The following VEGFC variants were observed in gnomAD, a reference collection of about 807,000 sequenced individuals.
VEGFC encodes the protein vascular endothelial growth factor C.
In VEGFC, 12 loss-of-function variants were observed where a neutral mutation model predicts 46.1. That is an observed-to-expected ratio of 0.26 (90% CI 0.17 to 0.42). VEGFC has a LOEUF of 0.42. VEGFC is among the 10% of genes least tolerant of loss of function. The pLI, the probability that VEGFC is intolerant of heterozygous loss-of-function variation, is 1.00. For synonymous variants in VEGFC, 232 were observed against 195.5 expected, an observed-to-expected ratio of 1.19 and a Z score of -1.56; for missense variants, 488 against 529.4, an observed-to-expected ratio of 0.92 and a Z score of 0.77.
intron 1 of VEGFC, among the ~76,000 whole-genome samples, chr4:176,757,412 C>T (rs1560957102): frequency 6.6e-6 from 1 of 152,066 alleles, no homozygotes; most frequent in Non-Finnish European, 1.5e-5. Context: ...CTCTTCTAAT[C>T]TAAGTCATGC....
Position 176,727,908 on chromosome 4 carries a change from C to G in VEGFC, c.422G>C (p.Gly141Ala). The change falls in exon 3 of 7, where the codon GGG becomes GCG. Residue 141 changes from glycine (G) to alanine (A), a missense_variant. Gly to Ala is a moderately conservative substitution (Grantham distance 60). Transcript: ENST00000618562. Reference protein sequence around the residue: ...CMPREVCIDVGKEFGVATNTF... With the variant: ...CMPREVCIDVAKEFGVATNTF... Reference sequence around the variant, plus strand: ...GTTTGTCGCGACTCCAAACTCCTTCCCCACATCTATACACACCTCCCGTGG... The same window carrying G: ...GTTTGTCGCGACTCCAAACTCCTTCGCCACATCTATACACACCTCCCGTGG... 1 of 1,613,736 alleles carries G rather than the reference C, an allele frequency of 6.2e-7. No homozygotes were observed. The highest frequency in any genetic ancestry group is 8.5e-7 in the Non-Finnish European group (1 of 1,179,836).
intron 1 of VEGFC, among the ~76,000 whole-genome samples, chr4:176,754,084 TAG>T (rs1293328349): frequency 6.6e-6 from 1 of 152,020 alleles, no homozygotes; most frequent in Non-Finnish European, 1.5e-5. Context: ...TGAGGTTAAA[TAG>T]AGAGTAATTA....
intron 4 of VEGFC, among the ~76,000 whole-genome samples, chr4:176,705,387 G>T (rs188348068): frequency 6.6e-6 from 1 of 152,168 alleles, no homozygotes. Context: ...TATGAAAATT[G>T]GTATCTAACT....
chr4:176,685,353 C>T (rs752223266), intron 6 of VEGFC, among the ~76,000 whole-genome samples: 2 of 152,138 alleles, frequency 1.3e-5, no homozygotes, highest in African/African-American at 4.8e-5. Flanking sequence ...GCCTACTGCA[C>T]TTTGTAATAG....
intron 1 of VEGFC, among the ~76,000 whole-genome samples, chr4:176,784,959 T>C (rs373132682): frequency 1.2e-4 from 18 of 152,212 alleles, no homozygotes; most frequent in African/African-American, 4.3e-4. Flanking sequence ...GTCCATACCC[T>C]GTGCTCTTAT....
chr4:176,729,492 G>C, intron 2 of VEGFC, 41 bp downstream of exon 2: 2 of 1,550,692 alleles, frequency 1.3e-6, no homozygotes, highest in Non-Finnish European at 1.7e-6. Flanking sequence ...CTACTGGTTT[G>C]ATATATAAGG....
chr4:176,751,242 A>G (rs1285493159), intron 1 of VEGFC, among the ~76,000 whole-genome samples: 1 of 151,966 alleles, frequency 6.6e-6, no homozygotes, highest in Non-Finnish European at 1.5e-5. Context: ...GAGACTAAAG[A>G]GTAAACAAAC....
rs532063911 is a variant in VEGFC, at chr4:176,717,695, A to G, written c.553-6045T>C. Reference sequence around the variant, plus strand: ...CCAGTTTCTCTTCAGAACAAATCTCACTACCATATTTAATTTAAATTTAAA... The same window carrying G: ...CCAGTTTCTCTTCAGAACAAATCTCGCTACCATATTTAATTTAAATTTAAA... On this transcript the variant is annotated intron_variant, in intron 3 of 6. Transcript: ENST00000618562. Among the ~76,000 whole-genome samples the G allele has an allele frequency of 4.0e-4, 61 of 152,232 alleles. 1 individual carries two copies. Among genetic ancestry groups the G allele is most frequent in the African/African-American group, 1.4e-3 (59 of 41,566 alleles).
chr4:176,726,118 G>C (rs1339026426), intron 3 of VEGFC, among the ~76,000 whole-genome samples: 2 of 152,000 alleles, frequency 1.3e-5, no homozygotes, highest in African/African-American at 2.4e-5. Context: ...AATGAACTAA[G>C]GATAACTTTT....
intron 3 of VEGFC, among the ~76,000 whole-genome samples, chr4:176,715,874 C>A (rs540128117): frequency 6.6e-6 from 1 of 152,072 alleles, no homozygotes; most frequent in Non-Finnish European, 1.5e-5. Flanking sequence ...CCCTACTCCA[C>A]GAAGTATGTA....
intron 4 of VEGFC, among the ~76,000 whole-genome samples, chr4:176,701,949 T>C (rs529625728): frequency 2.0e-5 from 3 of 152,294 alleles, no homozygotes; most frequent in East Asian, 1.9e-4. Flanking sequence ...TTTTGCTTCA[T>C]TGTCTTTTGG....
intron 3 of VEGFC, among the ~76,000 whole-genome samples, chr4:176,723,030 A>G (rs992431612): frequency 6.6e-6 from 1 of 152,222 alleles, no homozygotes; most frequent in East Asian, 1.9e-4. Context: ...CTTACTAACA[A>G]TGTACTGATT....
chr4:176,698,490 A>G (rs1193380582), intron 4 of VEGFC, among the ~76,000 whole-genome samples: 1 of 152,150 alleles, frequency 6.6e-6, no homozygotes, highest in Non-Finnish European at 1.5e-5. Context: ...GTACATATAT[A>G]AGGTATACAA....
intron 1 of VEGFC, among the ~76,000 whole-genome samples, chr4:176,791,274 T>C (rs1271175886): frequency 6.6e-6 from 1 of 152,172 alleles, no homozygotes; most frequent in Non-Finnish European, 1.5e-5. Flanking sequence ...ATAACTTCTT[T>C]AGGAACTCTC....
intron 4 of VEGFC, among the ~76,000 whole-genome samples, chr4:176,692,622 A>G (rs1177206529): frequency 7.0e-6 from 1 of 142,516 alleles, no homozygotes; most frequent in East Asian, 2.0e-4. Flanking sequence ...GGTGGAGCCC[A>G]CCACAGCTCA....
intron 3 of VEGFC, among the ~76,000 whole-genome samples, chr4:176,718,329 G>A (rs2111006023): frequency 6.6e-6 from 1 of 152,240 alleles, no homozygotes; most frequent in African/African-American, 2.4e-5. Flanking sequence ...GACTGCTGCA[G>A]TATTCTGTTT....
At chr4:176,692,779 T>A (rs1734226313) in intron 4 of VEGFC, among the ~76,000 whole-genome samples, 3 of 147,556 alleles carry the variant, frequency 2.0e-5, no homozygotes, top group African/African-American at 7.9e-5. Flanking sequence ...GCTGGAGATC[T>A]GAGAACGGGC....
intron 1 of VEGFC, among the ~76,000 whole-genome samples, chr4:176,781,115 C>A (rs1197450457): frequency 6.6e-6 from 1 of 152,104 alleles, no homozygotes; most frequent in African/African-American, 2.4e-5. Flanking sequence ...TCAAATTACC[C>A]AATTGTTAAG....
chr4:176,728,538 A>C (rs1304158737), intron 2 of VEGFC, among the ~76,000 whole-genome samples: 1 of 152,176 alleles, frequency 6.6e-6, no homozygotes, highest in East Asian at 1.9e-4. Context: ...ACTGGGACTC[A>C]TTCTGAACTT....
Sources: gnomAD v4.1 joint callset for allele counts (sites outside exome capture counted in the v4.1 genomes callset) on GRCh38, gnomAD v4.1.1 for gene constraint, MANE v1.5 for transcripts, NCBI Gene and HGNC (gene_info 2026-07-23, HGNC 2026-07-21) for gene names.